Variants in FER1L6 observed in about 807,000 individuals in gnomAD.
The protein encoded by FER1L6 is fer-1 like family member 6.
In FER1L6, 177 loss-of-function variants were observed where a neutral mutation model predicts 219.2. That is an observed-to-expected ratio of 0.81 (90% CI 0.71 to 0.91). The LOEUF (loss-of-function observed/expected upper bound fraction) is 0.91. FER1L6 is among the 40% of genes least tolerant of loss of function. FER1L6 has a pLI of 0.00. For synonymous variants in FER1L6, 768 were observed against 824.3 expected, an observed-to-expected ratio of 0.93 and a Z score of 1.17; for missense variants, 2,153 against 2,259.9, an observed-to-expected ratio of 0.95 and a Z score of 0.96.
chr8:124,037,165 C>T (rs1819255265), intron 19 of FER1L6, among the ~76,000 whole-genome samples: 1 of 152,178 alleles, frequency 6.6e-6, no homozygotes, highest in Non-Finnish European at 1.5e-5. Context: ...AATGGTGCTC[C>T]CTGGTGTTGT....
chr8:123,878,085 C>G (rs1230549970), intron 1 of FER1L6, among the ~76,000 whole-genome samples: 2 of 152,154 alleles, frequency 1.3e-5, no homozygotes, highest in Admixed American at 6.5e-5. Context: ...GTGTGTCACT[C>G]TCCCAGAGAG....
At chr8:124,032,515 G>C (rs1456229867) in intron 18 of FER1L6, among the ~76,000 whole-genome samples, 2 of 152,110 alleles carry the variant, frequency 1.3e-5, no homozygotes, top group African/African-American at 4.8e-5. Context: ...GATTGCTTTA[G>C]TCCAGGAGTT....
At chr8:124,005,888 T>C (rs750954173) in intron 13 of FER1L6, among the ~76,000 whole-genome samples, 14 of 152,176 alleles carry the variant, frequency 9.2e-5, no homozygotes, top group Non-Finnish European at 1.6e-4. Flanking sequence ...ATGGAGTCCA[T>C]TGAAATAGTC....
At chr8:123,960,713 T>C (rs1204660676) in intron 2 of FER1L6, among the ~76,000 whole-genome samples, 1 of 152,096 alleles carries the variant, frequency 6.6e-6, no homozygotes, top group African/African-American at 2.4e-5. Context: ...GCCACCTTTT[T>C]TTTTTCTGTC....
intron 31 of FER1L6, among the ~76,000 whole-genome samples, chr8:124,072,045 G>T (rs1821098105): frequency 6.6e-6 from 1 of 152,182 alleles, no homozygotes; most frequent in African/African-American, 2.4e-5. Context: ...TATGAAGTTA[G>T]GCTGGCAAAA....
chr8:124,099,376 T>C (rs1166391651), intron 37 of FER1L6, among the ~76,000 whole-genome samples: 1 of 152,222 alleles, frequency 6.6e-6, no homozygotes, highest in Non-Finnish European at 1.5e-5. Flanking sequence ...CTTATCTCAG[T>C]GACTGGCACC....
intron 1 of FER1L6, among the ~76,000 whole-genome samples, chr8:123,866,026 G>A (rs1816831893): frequency 6.6e-6 from 1 of 151,426 alleles, no homozygotes. Flanking sequence ...TCTTAATCCA[G>A]TCTATCACTG....
rs74469501 is a variant in FER1L6 at position 123,968,794 on chromosome 8, G to A, written c.385-1241G>A. Among the ~76,000 whole-genome samples the A allele has an allele frequency of 6.2e-3, 948 of 152,112 alleles. 4 individuals carry two copies. The highest frequency in any genetic ancestry group is 9.3e-3 in the Non-Finnish European group (634 of 67,990). On this transcript the variant is annotated intron_variant, in intron 5 of 40. Transcript: ENST00000522917. ...CTTATAATGTATGATGACATTTTTC[G>A]GTTCCCACATTTTGCTTTTTCTGTT...
chr8:123,951,458 T>G (rs1275395983), intron 1 of FER1L6, among the ~76,000 whole-genome samples: 2 of 152,196 alleles, frequency 1.3e-5, no homozygotes, highest in Non-Finnish European at 2.9e-5. Context: ...CAATTTCTAT[T>G]GAATTCTGCA....
chr8:124,074,238 G>C (rs1286109504), intron 31 of FER1L6, among the ~76,000 whole-genome samples: 1 of 152,204 alleles, frequency 6.6e-6, no homozygotes, highest in Non-Finnish European at 1.5e-5. Context: ...AGTGCTAAAT[G>C]CAAGAGTCAT....
At chr8:124,027,674 C>A (rs572636651) in intron 18 of FER1L6, among the ~76,000 whole-genome samples, 1 of 152,190 alleles carries the variant, frequency 6.6e-6, no homozygotes, top group Non-Finnish European at 1.5e-5. Context: ...ATCCTCCCAC[C>A]TTAGCCTCCT....
intron 13 of FER1L6, among the ~76,000 whole-genome samples, chr8:124,009,980 G>A (rs557608341): frequency 0.012 from 1,740 of 146,542 alleles, no homozygotes; most frequent in East Asian, 0.051. Flanking sequence ...GTCGTAGTTT[G>A]AGGGTCTGCA....
At chr8:124,097,719 C>G in intron 36 of FER1L6, 66 bp from the exon 37 acceptor site, 1 of 889,912 alleles carries the variant, frequency 1.1e-6, no homozygotes, top group South Asian at 1.3e-5. Context: ...AATGCTAGAA[C>G]CACACAGACA....
intron 39 of FER1L6, among the ~76,000 whole-genome samples, chr8:124,109,312 T>A (rs563734194): frequency 3.8e-4 from 58 of 152,298 alleles, no homozygotes; most frequent in African/African-American, 1.4e-3. Flanking sequence ...CTAATCTTAT[T>A]ATTCAAATAG....
At chr8:124,022,557 G>A (rs955459408) in intron 17 of FER1L6, among the ~76,000 whole-genome samples, 3 of 152,166 alleles carry the variant, frequency 2.0e-5, no homozygotes, top group African/African-American at 7.2e-5. Flanking sequence ...ATTTAGCTGA[G>A]TTCCTGCTGA....
At chr8:123,875,896 T>G (rs1407475715) in intron 1 of FER1L6, among the ~76,000 whole-genome samples, 2 of 152,196 alleles carry the variant, frequency 1.3e-5, no homozygotes, top group Non-Finnish European at 2.9e-5. Context: ...TCACTACCAT[T>G]CTGCCCCAAG....
intron 16 of FER1L6, among the ~76,000 whole-genome samples, chr8:124,019,708 G>A (rs1049721856): frequency 1.3e-5 from 2 of 152,162 alleles, no homozygotes; most frequent in Non-Finnish European, 2.9e-5. Flanking sequence ...CATACAATAA[G>A]GACAAGACAG....
intron 1 of FER1L6, among the ~76,000 whole-genome samples, chr8:123,915,297 C>G (rs1323391205): frequency 6.6e-6 from 1 of 151,988 alleles, no homozygotes; most frequent in Non-Finnish European, 1.5e-5. Context: ...GCCATGATAG[C>G]CAGGGGGGTG....
intron 1 of FER1L6, among the ~76,000 whole-genome samples, chr8:123,914,454 A>C (rs552066635): frequency 6.6e-6 from 1 of 152,280 alleles, no homozygotes; most frequent in South Asian, 2.1e-4. Context: ...TTTGCTTCGC[A>C]CTTTTGATTG....
Sources: gnomAD v4.1 joint callset for allele counts (sites outside exome capture counted in the v4.1 genomes callset) on GRCh38, gnomAD v4.1.1 for gene constraint, MANE v1.5 for transcripts, NCBI Gene and HGNC (gene_info 2026-07-23, HGNC 2026-07-21) for gene names.